BIRC6: variants seen among roughly 807,000 people sequenced by gnomAD.
BIRC6 encodes baculoviral IAP repeat containing 6.
Under a neutral mutation model 503.3 loss-of-function variants are expected in BIRC6, and 98 were observed. The ratio of observed to expected loss-of-function variants is 0.19; its 90% confidence interval spans 0.17 to 0.23. The LOEUF (loss-of-function observed/expected upper bound fraction) is 0.23, where lower values mean the gene tolerates loss of function less well. BIRC6 is among the 10% of genes least tolerant of loss of function. BIRC6 has a pLI of 1.00. For synonymous variants in BIRC6, 2,240 were observed against 2,078.7 expected (o/e 1.08, Z -2.11); for missense variants, 5,360 against 5,806.0 (o/e 0.92, Z 2.50).
rs778787620 is a variant in BIRC6, at chr2:32,467,561, C to A, written c.5393C>A (p.Pro1798His). Residue 1798 changes from proline to histidine, a missense_variant, in exon 27 of 74, where the codon CCT (proline) becomes CAT (histidine). Transcript: ENST00000421745. ...RRFVTLDFGR[P>H]ILLTDVLIPT... ...TTTGTGACCTTGGATTTTGGGAGGCCTATATTGTTGACTGATGTATTGATT... is the reference window on the plus strand; with the variant it reads ...TTTGTGACCTTGGATTTTGGGAGGCATATATTGTTGACTGATGTATTGATT... 1 of 1,613,832 alleles carries A rather than the reference C, an allele frequency of 6.2e-7. No individual in the cohort carries two copies. Among genetic ancestry groups the A allele is most frequent in the East Asian group, 2.2e-5 (1 of 44,866 alleles).
intron 68 of BIRC6, among the ~76,000 whole-genome samples, chr2:32,596,548 G>A (rs1031443697): frequency 6.6e-6 from 1 of 151,560 alleles, no homozygotes; most frequent in Non-Finnish European, 1.5e-5. Flanking sequence ...AAGCCATAGT[G>A]CCTGTTATGA....
intron 65 of BIRC6, among the ~76,000 whole-genome samples, chr2:32,559,434 T>C (rs1303371532): frequency 6.6e-6 from 1 of 152,184 alleles, no homozygotes; most frequent in Non-Finnish European, 1.5e-5. Context: ...CAATGAAGTA[T>C]GTGTAAAGGA....
At chr2:32,371,600 C>G (rs903373656) in intron 1 of BIRC6, among the ~76,000 whole-genome samples, 1 of 152,070 alleles carries the variant, frequency 6.6e-6, no homozygotes, top group African/African-American at 2.4e-5. Flanking sequence ...CCAGGCTGCT[C>G]TCAAACTCCT....
intron 33 of BIRC6, among the ~76,000 whole-genome samples, chr2:32,475,064 A>G (rs900971852): frequency 6.7e-6 from 1 of 149,284 alleles, no homozygotes; most frequent in Non-Finnish European, 1.5e-5. Context: ...ACTCAGGAGG[A>G]TGAGGCAGGA....
chr2:32,539,277 A>G lies in BIRC6; in HGVS notation c.12292-3964A>G, dbSNP rs955884590. 2.6e-5 allele frequency among the ~76,000 whole-genome samples: 4 copies of G among 152,244 alleles called. No homozygotes were observed. In the East Asian group the frequency reaches 7.7e-4, roughly 29 times the overall value. On this transcript the variant is annotated intron_variant, in intron 61 of 73. Coordinates refer to ENST00000421745, the MANE Select transcript of BIRC6 (RefSeq NM_016252.4). ...ATTTCAGTAATAGATTATAACATTT[A>G]TCTCTCAGTAAATGAAACAAAGTGA...
intron 6 of BIRC6, 61 bp downstream of exon 6, chr2:32,395,654 AT>A (rs1353471854): frequency 1.4e-6 from 2 of 1,405,306 alleles, no homozygotes. Flanking sequence ...ATGCTTCTAA[AT>A]TTTACTTTTC....
intron 23 of BIRC6, among the ~76,000 whole-genome samples, chr2:32,459,843 CT>C (rs2047638696): frequency 6.6e-6 from 1 of 151,366 alleles, no homozygotes; most frequent in South Asian, 2.1e-4. Flanking sequence ...CGATCTTCCT[CT>C]TAATCATTCC....
intron 1 of BIRC6, among the ~76,000 whole-genome samples, chr2:32,370,099 C>T (rs950882106): frequency 6.7e-6 from 1 of 149,080 alleles, no homozygotes; most frequent in East Asian, 2.0e-4. Context: ...ACGGGTGTGC[C>T]AAGTTCAGCA....
At chr2:32,485,594 T>C in intron 39 of BIRC6, 49 bp from the exon 40 acceptor site, 1 of 1,215,372 alleles carries the variant, frequency 8.2e-7, no homozygotes, top group Non-Finnish European at 1.2e-6. Context: ...AGGTAGGACA[T>C]GAGTAATAAT....
At chr2:32,538,417 T>C (rs975064823) in intron 61 of BIRC6, among the ~76,000 whole-genome samples, 1 of 151,958 alleles carries the variant, frequency 6.6e-6, no homozygotes. Context: ...GGCTTTTCCA[T>C]TGGAATTCCA....
rs1385450228 is a variant in BIRC6 at position 32,529,702 on chromosome 2, A to G, written c.11972A>G (p.Tyr3991Cys). 1.9e-6 allele frequency: 3 copies of G among 1,613,592 alleles called. 1 individual carries two copies. The highest frequency in any genetic ancestry group is 2.5e-6 in the Non-Finnish European group (3 of 1,179,712). ...MTLAQLLTLL[Y>C]DRKLPQGYRS... ...CTTGCCCAGCTTTTAACTCTCCTATATGACCGAAAACTTCCTCAGGGTTAC... is the reference window on the plus strand; with the variant it reads ...CTTGCCCAGCTTTTAACTCTCCTATGTGACCGAAAACTTCCTCAGGGTTAC... The change falls in exon 60 of 74, where the codon TAT becomes TGT. Residue 3991 changes from tyrosine to cysteine, a missense_variant. By Grantham distance (194) the Tyr-to-Cys change is radical (BLOSUM62 -2). Around this residue, in one of 16 missense-constraint regions of BIRC6, gnomAD observed 878 missense variants for 928.9 expected, o/e 0.95. Transcript: ENST00000421745.
Position 32,464,833 on chromosome 2 carries a change from GT to G in BIRC6, c.5256+14del. The G allele has an allele frequency of 6.3e-7, 1 of 1,591,852 alleles. No individual in the cohort carries two copies. Among genetic ancestry groups the G allele is most frequent in the Non-Finnish European group, 8.6e-7 (1 of 1,167,956 alleles). On this transcript the variant is annotated intron_variant, in intron 25 of 73. Transcript: ENST00000421745. ...CAACAAGTCCAGAATGGTAAATTAT[GT>G]TTTAAATAGGTGTTGGCTTAGACAT...
chr2:32,460,043 G>GT (rs1319309664), intron 23 of BIRC6, among the ~76,000 whole-genome samples: 4 of 147,938 alleles, frequency 2.7e-5, no homozygotes, highest in African/African-American at 4.9e-5. Context: ...TTTTATCGTC[G>GT]TTTTTTCCTT....
intron 52 of BIRC6, 64 bp downstream of exon 52, chr2:32,510,058 C>G: frequency 6.5e-7 from 1 of 1,534,886 alleles, no homozygotes; most frequent in Non-Finnish European, 8.8e-7. Flanking sequence ...TTGAACTGTG[C>G]GATCTTCGTG....
intron 53 of BIRC6, 103 bp downstream of exon 53, chr2:32,510,737 T>TTGTCTTTTATG (rs2054300615): frequency 2.6e-6 from 2 of 771,076 alleles, no homozygotes; most frequent in South Asian, 3.2e-5. Flanking sequence ...TAAAAGACAA[T>TTGTCTTTTATG]ACTGTGATAT....
At chr2:32,362,718 T>A (rs1023659806) in intron 1 of BIRC6, among the ~76,000 whole-genome samples, 24 of 152,254 alleles carry the variant, frequency 1.6e-4, no homozygotes, top group African/African-American at 5.5e-4. Context: ...GTTCATGAAA[T>A]TTAGCATAAT....
intron 33 of BIRC6, among the ~76,000 whole-genome samples, chr2:32,475,515 T>A (rs1227815194): frequency 2.0e-5 from 3 of 152,198 alleles, no homozygotes; most frequent in African/African-American, 7.2e-5. Flanking sequence ...TGGTATTGAC[T>A]GTTGTGGATA....
At chr2:32,384,115 G>T (rs1396355980) in intron 3 of BIRC6, among the ~76,000 whole-genome samples, 1 of 152,124 alleles carries the variant, frequency 6.6e-6, no homozygotes, top group Non-Finnish European at 1.5e-5. Context: ...TCCTCCCTTG[G>T]GAGTAAGACC....
chr2:32,473,392 A>G lies in BIRC6; in HGVS notation c.6720+153A>G, dbSNP rs553114903. Among the ~76,000 whole-genome samples, 5 of 152,298 alleles carry G rather than the reference A, an allele frequency of 3.3e-5. No individual in the cohort carries two copies. The East Asian group carries it at 9.6e-4, about 29-fold the overall frequency. On this transcript the variant is annotated intron_variant, in intron 33 of 73. Transcript: ENST00000421745. ...ACACTTTGGAGACTTCAATTTCCTT[A>G]ATTGTTAAAATGACGACAATGTATA...
Sources: gnomAD v4.1 joint callset for allele counts (sites outside exome capture counted in the v4.1 genomes callset) on GRCh38, gnomAD v4.1.1 for gene constraint, gnomAD v4.1.1 regional missense constraint, MANE v1.5 for transcripts, NCBI Gene and HGNC (gene_info 2026-07-23, HGNC 2026-07-21) for gene names.